The following SETBP1 variants were observed in gnomAD, a reference collection of about 807,000 sequenced individuals.
SETBP1 encodes SET-binding protein.
In SETBP1, 9 loss-of-function variants were observed where a neutral mutation model predicts 101.0. The ratio of observed to expected loss-of-function variants is 0.09; its 90% CI spans 0.05 to 0.16. The LOEUF is 0.16. Ranked by LOEUF, SETBP1 falls within the 10% of genes least tolerant of loss-of-function variation. The pLI, the probability that SETBP1 is intolerant of heterozygous loss-of-function variation, is 1.00. For synonymous variants in SETBP1, 818 were observed against 788.5 expected, an observed-to-expected ratio of 1.04 and a Z score of -0.63; for missense variants, 1,858 against 2,033.8, an observed-to-expected ratio of 0.91 and a Z score of 1.66.
intron 3 of SETBP1, among the ~76,000 whole-genome samples, chr18:44,930,912 G>C (rs1240603857): frequency 6.7e-6 from 1 of 149,040 alleles, no homozygotes; most frequent in Non-Finnish European, 1.5e-5. Context: ...TGATTTTTTT[G>C]AAGAGTTTTT....
chr18:44,865,397 G>A (rs2069106799), intron 2 of SETBP1, among the ~76,000 whole-genome samples: 1 of 152,148 alleles, frequency 6.6e-6, no homozygotes, highest in African/African-American at 2.4e-5. Flanking sequence ...CCCAGCAGAG[G>A]TGGCTCCTGA....
chr18:44,747,551 T>G (rs2144515314), intron 2 of SETBP1, among the ~76,000 whole-genome samples: 1 of 152,388 alleles, frequency 6.6e-6, no homozygotes, highest in South Asian at 2.1e-4. Context: ...CTTGCTCTAC[T>G]TTTTATGCAC....
intron 2 of SETBP1, among the ~76,000 whole-genome samples, chr18:44,768,372 T>A (rs1326869877): frequency 6.6e-6 from 1 of 152,068 alleles, no homozygotes. Context: ...AATGCTTTCA[T>A]GGTGTATGTG....
chr18:44,877,259 A>G (rs1465633019), intron 3 of SETBP1: 2 of 653,840 alleles, frequency 3.1e-6, no homozygotes, highest in African/African-American at 3.9e-5. Flanking sequence ...TTGTTTTCCT[A>G]CGGATTTGTC....
intron 3 of SETBP1, chr18:44,871,910 C>G (rs1210448498): frequency 6.6e-6 from 1 of 152,240 alleles, no homozygotes; most frequent in African/African-American, 2.4e-5. Context: ...AGGCCTGGTG[C>G]TGGTAGGCGG....
intron 3 of SETBP1, among the ~76,000 whole-genome samples, chr18:44,946,682 C>G (rs1599359744): frequency 6.6e-6 from 1 of 152,152 alleles, no homozygotes; most frequent in Admixed American, 6.5e-5. Flanking sequence ...GGCACCTCAT[C>G]CATTTATTTA....
intron 2 of SETBP1, among the ~76,000 whole-genome samples, chr18:44,725,507 T>C (rs564309855): frequency 2.0e-5 from 3 of 152,300 alleles, no homozygotes; most frequent in South Asian, 2.1e-4. Context: ...GCTTGAAAGA[T>C]TCGGCTTTCA....
At chr18:44,849,730 G>A (rs2072808110) in intron 2 of SETBP1, among the ~76,000 whole-genome samples, 3 of 152,130 alleles carry the variant, frequency 2.0e-5, no homozygotes, top group Admixed American at 2.0e-4. Flanking sequence ...TTCTAACTGT[G>A]TGGTCTTGAG....
intron 2 of SETBP1, among the ~76,000 whole-genome samples, chr18:44,725,765 C>T (rs2069692043): frequency 6.6e-6 from 1 of 152,152 alleles, no homozygotes; most frequent in Non-Finnish European, 1.5e-5. Flanking sequence ...GCTGTCACCT[C>T]TTCCAGGAAG....
intron 1 of SETBP1, among the ~76,000 whole-genome samples, chr18:44,687,796 G>A (rs929423863): frequency 1.3e-5 from 2 of 151,970 alleles, no homozygotes; most frequent in Non-Finnish European, 2.9e-5. Flanking sequence ...TGGGCTGGAT[G>A]TCATTTCTCC....
At chr18:44,966,151 T>C (rs757266074) in intron 4 of SETBP1, among the ~76,000 whole-genome samples, 2 of 152,244 alleles carry the variant, frequency 1.3e-5, no homozygotes, top group Non-Finnish European at 2.9e-5. Context: ...AAATGAATAA[T>C]TGATGTCAGA....
At chr18:45,034,154 G>C (rs1247117172) in intron 4 of SETBP1, among the ~76,000 whole-genome samples, 1 of 152,184 alleles carries the variant, frequency 6.6e-6, no homozygotes, top group Non-Finnish European at 1.5e-5. Context: ...ACCTGGGGAA[G>C]AGGTAATTGA....
chr18:44,727,639 A>C (rs1026158038), intron 2 of SETBP1, among the ~76,000 whole-genome samples: 2 of 152,186 alleles, frequency 1.3e-5, no homozygotes, highest in African/African-American at 4.8e-5. Flanking sequence ...CAAGCTCTCA[A>C]AACACCTTAA....
chr18:44,847,507 G>T (rs1177189879), intron 2 of SETBP1, among the ~76,000 whole-genome samples: 1 of 152,154 alleles, frequency 6.6e-6, no homozygotes, highest in Non-Finnish European at 1.5e-5. Flanking sequence ...TGAGGAAGTG[G>T]GAATGGCTCG....
chr18:44,800,451 T>G (rs2056805962), intron 2 of SETBP1, among the ~76,000 whole-genome samples: 1 of 152,166 alleles, frequency 6.6e-6, no homozygotes, highest in Non-Finnish European at 1.5e-5. Context: ...CTGGTGGCCT[T>G]CCGAGCACGG....
chr18:44,925,841 T>A (rs534569741), intron 3 of SETBP1, among the ~76,000 whole-genome samples: 35 of 152,322 alleles, frequency 2.3e-4, no homozygotes, highest in African/African-American at 8.2e-4. Flanking sequence ...AGCCGGGTGA[T>A]CAATTCTTTA....
At position 45,021,507 on chromosome 18, in the gene SETBP1, C is replaced by T. The variant is rs374148119; in HGVS notation, c.4001-16978C>T. Among the ~76,000 whole-genome samples the T allele has an allele frequency of 3.0e-4, 45 of 152,280 alleles. No homozygotes were observed. In the South Asian group the frequency reaches 8.9e-3, roughly 30 times the overall value. On this transcript the variant is annotated intron_variant, in intron 4 of 5. Coordinates refer to ENST00000649279, the MANE Select transcript of SETBP1 (RefSeq NM_015559.3). The stretch of plus-strand genomic sequence containing the variant: ...ATTATTCAGTTGTTTCTCTTCTCTT[C>T]CCAAACCTCCCATTTTCTTTCGTGT...
chr18:44,691,913 C>T (rs1353246684), intron 1 of SETBP1, among the ~76,000 whole-genome samples: 2 of 152,184 alleles, frequency 1.3e-5, no homozygotes, highest in Non-Finnish European at 2.9e-5. Flanking sequence ...AAGGAACTTG[C>T]CCAAGGCCAC....
intron 3 of SETBP1, among the ~76,000 whole-genome samples, chr18:44,918,768 G>T (rs1053332351): frequency 6.6e-6 from 1 of 152,214 alleles, no homozygotes; most frequent in Non-Finnish European, 1.5e-5. Context: ...TATGGCAAGA[G>T]AATGTGAGAA....
Sources: allele counts gnomAD v4.1 joint callset (sites outside exome capture counted in the v4.1 genomes callset), GRCh38; gene constraint gnomAD v4.1.1; transcripts MANE v1.5; gene names NCBI Gene and HGNC (gene_info 2026-07-23, HGNC 2026-07-21).